Variants in AFF3 observed in about 807,000 individuals in gnomAD.
AFF3 encodes ALF transcription elongation factor 3.
AFF3 carries 32 observed loss-of-function variants against 129.7 expected under a neutral mutation model. That is an observed-to-expected ratio of 0.25 (90% CI 0.19 to 0.33). AFF3 has a LOEUF of 0.33. Ranked by LOEUF, AFF3 falls within the 10% of genes least tolerant of loss-of-function variation. The pLI, the probability that AFF3 is intolerant of heterozygous loss-of-function variation, is 1.00. For synonymous variants in AFF3, 644 were observed against 635.4 expected, an observed-to-expected ratio of 1.01 and a Z score of -0.20; for missense variants, 1,373 against 1,592.0, an observed-to-expected ratio of 0.86 and a Z score of 2.34.
At chr2:99,994,006 G>C (rs563507974) in intron 7 of AFF3, among the ~76,000 whole-genome samples, 1 of 151,048 alleles carries the variant, frequency 6.6e-6, no homozygotes, top group Non-Finnish European at 1.5e-5. Flanking sequence ...GGGTTTCACC[G>C]TGTTGGCCAG....
chr2:100,058,199 T>C (rs1394639068), intron 4 of AFF3, among the ~76,000 whole-genome samples: 1 of 152,210 alleles, frequency 6.6e-6, no homozygotes, highest in Non-Finnish European at 1.5e-5. Context: ...TGGATTCTTC[T>C]CAACAATTTT....
At chr2:99,570,159 G>A (rs1575383900) in intron 18 of AFF3, among the ~76,000 whole-genome samples, 1 of 152,120 alleles carries the variant, frequency 6.6e-6, no homozygotes, top group South Asian at 2.1e-4. Flanking sequence ...TCCTAGGAAG[G>A]CCCTGCTCCT....
intron 11 of AFF3, among the ~76,000 whole-genome samples, chr2:99,699,199 T>C (rs1212146221): frequency 6.6e-6 from 1 of 152,202 alleles, no homozygotes; most frequent in Non-Finnish European, 1.5e-5. Flanking sequence ...TTCCTATGAA[T>C]GCAAAGAAAC....
intron 12 of AFF3, among the ~76,000 whole-genome samples, chr2:99,657,521 T>C (rs1388439797): frequency 6.6e-6 from 1 of 152,202 alleles, no homozygotes; most frequent in Non-Finnish European, 1.5e-5. Context: ...TCTCAACCCA[T>C]AACACTTACA....
chr2:99,914,563 T>C (rs1476795779), intron 7 of AFF3, among the ~76,000 whole-genome samples: 2 of 152,192 alleles, frequency 1.3e-5, no homozygotes, highest in Non-Finnish European at 2.9e-5. Flanking sequence ...CATTATATTA[T>C]GGATATGTAA....
intron 4 of AFF3, among the ~76,000 whole-genome samples, chr2:100,090,664 TAC>T (rs1450919269): frequency 2.9e-4 from 44 of 151,934 alleles, no homozygotes; most frequent in African/African-American, 1.0e-3. Context: ...TTTACATACA[TAC>T]ATACATATAT....
intron 2 of AFF3, among the ~76,000 whole-genome samples, chr2:100,128,568 G>A (rs985559331): frequency 1.3e-5 from 2 of 152,128 alleles, no homozygotes; most frequent in African/African-American, 2.4e-5. Flanking sequence ...ATTAATAAAC[G>A]TTGGTTATTG....
intron 14 of AFF3, 112 bp from the exon 15 acceptor site, chr2:99,594,401 G>C (rs1424227939): frequency 1.4e-6 from 2 of 1,433,446 alleles, no homozygotes; most frequent in East Asian, 2.3e-5. Flanking sequence ...AGCAGAAAAC[G>C]AATGGGCTGG....
At chr2:99,958,664 G>A (rs1676904199) in intron 7 of AFF3, among the ~76,000 whole-genome samples, 1 of 152,038 alleles carries the variant, frequency 6.6e-6, no homozygotes, top group South Asian at 2.1e-4. Context: ...AGGGGAGGTT[G>A]AAAATAAGCA....
chr2:99,707,706 T>C (rs1479633484), intron 11 of AFF3: 4 of 960,146 alleles, frequency 4.2e-6, no homozygotes, highest in African/African-American at 1.8e-5. Flanking sequence ...TGCCTTTTTT[T>C]TTTTTTTCTT....
At chr2:99,775,524 G>A (rs1310080846) in intron 8 of AFF3, among the ~76,000 whole-genome samples, 6 of 152,116 alleles carry the variant, frequency 3.9e-5, no homozygotes, top group African/African-American at 1.4e-4. Flanking sequence ...ATGGACACAT[G>A]TGTGGGAAAG....
At chr2:99,749,822 A>G (rs1681482495) in intron 9 of AFF3, among the ~76,000 whole-genome samples, 2 of 152,200 alleles carry the variant, frequency 1.3e-5, no homozygotes, top group African/African-American at 2.4e-5. Context: ...AATTCTTGGG[A>G]AAGAATTAGA....
chr2:100,138,742 C>T (rs574330423), intron 1 of AFF3, among the ~76,000 whole-genome samples: 2 of 151,772 alleles, frequency 1.3e-5, no homozygotes, highest in Non-Finnish European at 2.9e-5. Flanking sequence ...GTCAGGAGTT[C>T]GAGACAAGCC....
At chr2:99,628,704 G>A (rs1464229786) in intron 13 of AFF3, among the ~76,000 whole-genome samples, 1 of 139,540 alleles carries the variant, frequency 7.2e-6, no homozygotes, top group Non-Finnish European at 1.5e-5. Flanking sequence ...TTACAGGCAC[G>A]TGCCACCATG....
intron 4 of AFF3, among the ~76,000 whole-genome samples, chr2:100,090,644 C>A (rs1343017930): frequency 6.6e-6 from 1 of 152,080 alleles, no homozygotes; most frequent in Non-Finnish European, 1.5e-5. Context: ...ACTGTACCTG[C>A]TGGAGACCAT....
intron 10 of AFF3, among the ~76,000 whole-genome samples, chr2:99,742,827 C>T (rs140112746): frequency 2.6e-5 from 4 of 152,212 alleles, no homozygotes; most frequent in African/African-American, 4.8e-5. Flanking sequence ...AGGACGCTAG[C>T]GCAGAATAGA....
intron 4 of AFF3, among the ~76,000 whole-genome samples, chr2:100,037,494 A>T (rs1685027956): frequency 1.5e-5 from 1 of 68,078 alleles, no homozygotes; most frequent in Non-Finnish European, 2.7e-5. Context: ...TATTATTTAT[A>T]TATAAATATA....
chr2:99,878,623 T>C (rs1289366939), intron 7 of AFF3, among the ~76,000 whole-genome samples: 1 of 152,224 alleles, frequency 6.6e-6, no homozygotes, highest in Non-Finnish European at 1.5e-5. Context: ...ATCTACTGAA[T>C]TCATAAAATA....
chr2:99,593,429 T>G lies in AFF3; in HGVS notation c.2232A>C (p.Thr744=). 2 of 1,613,576 alleles carry G rather than the reference T, an allele frequency of 1.2e-6. No homozygotes were observed. Among genetic ancestry groups the G allele is most frequent in the Non-Finnish European group, 1.7e-6 (2 of 1,179,882 alleles). ...IAKELEEQFY[T]LVPFGRNELL... ...GTTCGTTCCGGCCAAAGGGGACCAGTGTGTAGAACTGCTCCTCCAGCTCCT... is the reference window on the plus strand; with the variant it reads ...GTTCGTTCCGGCCAAAGGGGACCAGGGTGTAGAACTGCTCCTCCAGCTCCT... The change falls in exon 15 of 25, where the codon ACA becomes ACC. Residue 744 remains threonine (T), a synonymous_variant. Coordinates refer to ENST00000672756, the MANE Select transcript of AFF3 (RefSeq NM_001386135.1).
Sources: allele counts gnomAD v4.1 joint callset (sites outside exome capture counted in the v4.1 genomes callset), GRCh38; gene constraint gnomAD v4.1.1; transcripts MANE v1.5; gene names NCBI Gene and HGNC (gene_info 2026-07-23, HGNC 2026-07-21).